Variants in MAP1LC3C observed in about 807,000 individuals in gnomAD.
MAP1LC3C encodes microtubule associated protein 1 light chain 3 gamma.
A neutral mutation model predicts 10.4 loss-of-function variants in MAP1LC3C; 12 were observed. That is an observed-to-expected ratio of 1.15 (90% CI 0.74 to 1.86). MAP1LC3C has a LOEUF of 1.86. MAP1LC3C is among the 40% of genes most tolerant of loss of function. MAP1LC3C has a pLI of 0.00. For missense variants in MAP1LC3C, 177 were observed against 185.7 expected, an observed-to-expected ratio of 0.95 and a Z score of 0.27; for synonymous variants, 70 against 69.0, an observed-to-expected ratio of 1.01 and a Z score of -0.07.
rs574929358 is a variant in MAP1LC3C, at chr1:241,995,814, G to A, written c.*349C>T. The stretch of plus-strand genomic sequence containing the variant: ...TGTGCTTGTAATACCAGCCACTCGG[G>A]GGGTGGAGGCAGAAGAATCACTTGA... On this transcript the variant is annotated 3_prime_UTR_variant, in exon 4 of 4. Transcript: ENST00000357246. 1 of 170,602 alleles carries A rather than the reference G, an allele frequency of 5.9e-6. No individual in the cohort carries two copies. The highest frequency in any genetic ancestry group is 1.3e-5 in the Non-Finnish European group (1 of 79,382). 10.6% of individuals were successfully genotyped at this position (170,602 alleles called of 1,614,324 possible).
chr1:241,998,291 G>C (rs976391520), intron 3 of MAP1LC3C, among the ~76,000 whole-genome samples: 11 of 152,008 alleles, frequency 7.2e-5, no homozygotes, highest in African/African-American at 2.4e-4. Flanking sequence ...CAGAGTGCTG[G>C]GATTACAGGC....
At chr1:241,998,438 C>G in intron 3 of MAP1LC3C, 76 bp downstream of exon 3, 1 of 1,294,394 alleles carries the variant, frequency 7.7e-7, no homozygotes, top group South Asian at 1.2e-5. Context: ...CAAAATAAAA[C>G]TGCCAAACGA....
chr1:241,996,061 TC>T lies in MAP1LC3C; in HGVS notation c.*101del. 9.6e-7 allele frequency: 1 copy of T among 1,042,772 alleles called. No homozygotes were observed. The highest frequency in any genetic ancestry group is 2.6e-5 in the Admixed American group (1 of 38,264). The allele number at this position is 1,042,772 out of a possible 1,614,324, so 64.6% of individuals were successfully genotyped here. A position where few individuals can be genotyped will look rare whatever the true frequency, so the allele number is the denominator to read the frequency against. On this transcript the variant is annotated 3_prime_UTR_variant, in exon 4 of 4. Coordinates refer to ENST00000357246, the MANE Select transcript of MAP1LC3C (RefSeq NM_001004343.3). Reference sequence around the variant, plus strand: ...TGGTTGGAGCTGATCACCCCAGGCATCCCTGCTTCTCAGACTCCTCCACTGT... The same window carrying T: ...TGGTTGGAGCTGATCACCCCAGGCATCCTGCTTCTCAGACTCCTCCACTGT...
In MAP1LC3C at chr1:241,998,529, A is replaced by C; in HGVS notation, c.206T>G (p.Phe69Cys). Residue 69 changes from phenylalanine to cysteine, a missense_variant, in exon 3 of 4, where the codon TTC (phenylalanine) becomes TGC (cysteine). Phe to Cys is a radical substitution (Grantham distance 205, BLOSUM62 -2). Coordinates refer to ENST00000357246, the MANE Select transcript of MAP1LC3C (RefSeq NM_001004343.3). ...LVPQELTMTQFLSIIRSRMVL... is the reference protein window; with the variant it reads ...LVPQELTMTQCLSIIRSRMVL... ...CGCCACCTACCGGATGATGCTGAGG[A>C]ACTGGGTCATGGTCAGCTCCTGCGG... 1 of 1,614,048 alleles carries C rather than the reference A, an allele frequency of 6.2e-7. No homozygotes were observed. The highest frequency in any genetic ancestry group is 8.5e-7 in the Non-Finnish European group (1 of 1,179,994).
In MAP1LC3C at chr1:241,995,931, AT is replaced by A; in HGVS notation, c.*231del. On this transcript the variant is annotated 3_prime_UTR_variant, in exon 4 of 4. Coordinates refer to ENST00000357246, the MANE Select transcript of MAP1LC3C (RefSeq NM_001004343.3). ...AAGACCCTGTTTCAAAAAAAAAAAA[AT>A]GATAATTATATAACTTTCAAGAGCA... is the stretch of plus-strand genomic sequence containing the variant. The A allele has an allele frequency of 2.5e-6, 1 of 408,058 alleles. No homozygotes were observed. The highest frequency in any genetic ancestry group is 3.8e-5 in the Admixed American group (1 of 26,148). The allele number at this position is 408,058 out of a possible 1,614,324, so 25.3% of individuals were successfully genotyped here.
rs1340858014 is a variant in MAP1LC3C, at chr1:241,996,354, A to T, written c.253T>A (p.Phe85Ile). The T allele has an allele frequency of 6.2e-7, 1 of 1,614,094 alleles. No individual in the cohort carries two copies. Among genetic ancestry groups the T allele is most frequent in the South Asian group, 1.1e-5 (1 of 91,084 alleles). ...CTCTTGTTGTTCACCAGCAAGTAAA[A>T]GGCTTCCGTGGCTCTCAGGACCATG... ...SRMVLRATEA[F>I]YLLVNNKSLV... is the part of the protein sequence containing the mutation. Residue 85 changes from phenylalanine to isoleucine, a missense_variant, in exon 4 of 4, where the codon TTT becomes ATT. Phe to Ile is a conservative substitution (Grantham distance 21, BLOSUM62 0). Transcript: ENST00000357246.
In MAP1LC3C at chr1:241,996,419, C is replaced by T. The variant is rs374456376; in HGVS notation, c.222-34G>A. On this transcript the variant is annotated intron_variant, in intron 3 of 3. Transcript: ENST00000357246. ...GGCAGGAGGGTGGTGAGGGTATGGC[C>T]TGCGAGACAGCCCAGGGATCTGCAG... is the stretch of plus-strand genomic sequence containing the variant. 6 of 1,568,344 alleles carry T rather than the reference C, an allele frequency of 3.8e-6. No individual in the cohort carries two copies. In the African/African-American group the frequency reaches 5.4e-5, roughly 14 times the overall value.
Position 241,998,532 on chromosome 1 carries a change from T to C in MAP1LC3C, c.203A>G (p.Gln68Arg). Residue 68 changes from glutamine (Q) to arginine (R), a missense_variant, in exon 3 of 4, where the codon CAG becomes CGG. Gln to Arg is a conservative substitution (Grantham distance 43). Transcript: ENST00000357246. ...CACCTACCGGATGATGCTGAGGAAC[T>C]GGGTCATGGTCAGCTCCTGCGGGAC... The part of the protein sequence containing the change: ...FLVPQELTMT[Q>R]FLSIIRSRMV... 1.9e-6 allele frequency: 3 copies of C among 1,614,138 alleles called. No individual in the cohort carries two copies. Among genetic ancestry groups the C allele is most frequent in the Non-Finnish European group, 2.5e-6 (3 of 1,180,030 alleles).
In MAP1LC3C at chr1:241,996,130, G is replaced by A. The variant is rs200217615; in HGVS notation, c.*33C>T. ...AATCCCTTCTGCCAGCATCTGACAC[G>A]TCTGTCAGAGCACACATCCTTCCCG... On this transcript the variant is annotated 3_prime_UTR_variant, in exon 4 of 4. Transcript: ENST00000357246. The A allele has an allele frequency of 1.8e-4, 278 of 1,569,676 alleles. No individual in the cohort carries two copies. The African/African-American group carries it at 2.9e-3, about 16-fold the overall frequency.
chr1:241,998,667 AG>A, intron 2 of MAP1LC3C, 47 bp from the exon 3 acceptor site: 3 of 1,607,838 alleles, frequency 1.9e-6, no homozygotes, highest in Non-Finnish European at 2.6e-6. Context: ...CGTGAGTGTT[AG>A]GAACTTGGAA....
Position 241,996,423 on chromosome 1 carries a change from G to A in MAP1LC3C, c.222-38C>T, listed in dbSNP as rs111316533. The A allele has an allele frequency of 1.1e-4, 169 of 1,546,396 alleles. 3 individuals carry two copies. The highest frequency in any genetic ancestry group is 1.0e-3 in the South Asian group (91 of 88,788). On this transcript the variant is annotated intron_variant, in intron 3 of 3. Coordinates refer to ENST00000357246, the MANE Select transcript of MAP1LC3C (RefSeq NM_001004343.3). ...GGAGGGTGGTGAGGGTATGGCCTGC[G>A]AGACAGCCCAGGGATCTGCAGCCTC...
At chr1:241,996,909 C>CAAAAAAAAAA (rs71174887) in intron 3 of MAP1LC3C, among the ~76,000 whole-genome samples, 12,045 of 42,278 alleles carry the variant, frequency 0.28, 3,563 homozygotes, top group Non-Finnish European at 0.33. Context: ...GACTGCGTCT[C>CAAAAAAAAAA]AAAAAAAAAA....
upstream of MAP1LC3C, among the ~76,000 whole-genome samples, chr1:242,000,507 G>A (rs1397119072): frequency 1.3e-5 from 2 of 152,136 alleles, no homozygotes; most frequent in African/African-American, 2.4e-5. Context: ...GATCTCATGC[G>A]TGAGCCACTG....
chr1:241,999,956 T>A (rs186478330), upstream of MAP1LC3C, among the ~76,000 whole-genome samples: 7 of 152,336 alleles, frequency 4.6e-5, no homozygotes, highest in African/African-American at 2.4e-5. Context: ...CTTTTAGAGT[T>A]AAGAAACTGG....
rs1460877331 is a variant in MAP1LC3C, at chr1:241,996,226, G to C, written c.381C>G (p.Cys127Trp). 3.8e-5 allele frequency: 61 copies of C among 1,614,146 alleles called. No individual in the cohort carries two copies. The highest frequency in any genetic ancestry group is 5.2e-5 in the Non-Finnish European group (61 of 1,180,022). The change falls in exon 4 of 4, where the codon TGC becomes TGG. Residue 127 changes from cysteine (C) to tryptophan (W), a missense_variant. Cys to Trp is a radical substitution (Grantham distance 215). Transcript: ENST00000357246. ...CATCCCTGGGGGCTGCTGACTCCAG[G>C]CAGCCAAATGTCTCCTGGGAGGCGT... ...MTYASQETFGCLESAAPRDGS... is the reference protein window; with the variant it reads ...MTYASQETFGWLESAAPRDGS...
intron 3 of MAP1LC3C, among the ~76,000 whole-genome samples, chr1:241,997,511 T>C (rs1244530031): frequency 6.6e-6 from 1 of 152,050 alleles, no homozygotes; most frequent in African/African-American, 2.4e-5. Context: ...CAGAGCTAAA[T>C]AAAGCAAAAT....
intron 2 of MAP1LC3C, 78 bp from the exon 3 acceptor site, chr1:241,998,698 G>C: frequency 6.2e-7 from 1 of 1,608,434 alleles, no homozygotes; most frequent in Non-Finnish European, 8.5e-7. Flanking sequence ...GGAAGCTGTT[G>C]GCTGCTCTTG....
rs1428677986 is a variant in MAP1LC3C, at chr1:241,998,758, A to C, written c.114+18T>G. Reference sequence around the variant, plus strand: ...CCCCACCCCCACGCCCCCCAGCGGAAGTCCAGTGGTGTCTTACCGGGATTT... The same window carrying C: ...CCCCACCCCCACGCCCCCCAGCGGACGTCCAGTGGTGTCTTACCGGGATTT... On this transcript the variant is annotated intron_variant, in intron 2 of 3. Transcript: ENST00000357246. The C allele has an allele frequency of 1.2e-6, 2 of 1,614,028 alleles. No individual in the cohort carries two copies. Among genetic ancestry groups the C allele is most frequent in the African/African-American group, 1.3e-5 (1 of 75,056 alleles).
intron 3 of MAP1LC3C, 129 bp downstream of exon 3, chr1:241,998,384 CA>C: frequency 1.4e-6 from 1 of 709,936 alleles, no homozygotes. Context: ...AAGGTGACTT[CA>C]AAAAAATCTC....
Sources: gnomAD v4.1 joint callset for allele counts (sites outside exome capture counted in the v4.1 genomes callset) on GRCh38, gnomAD v4.1.1 for gene constraint, MANE v1.5 for transcripts, NCBI Gene and HGNC (gene_info 2026-07-23, HGNC 2026-07-21) for gene names.